Variants in WASHC4 observed in about 807,000 individuals in gnomAD.
WASHC4 encodes WASH complex subunit 7.
In WASHC4, 86 loss-of-function variants were observed where a neutral mutation model predicts 166.6. The ratio of observed to expected loss-of-function variants is 0.52; its 90% CI spans 0.43 to 0.62. The LOEUF is 0.62. WASHC4 is among the 20% of genes least tolerant of loss of function. The pLI is 0.00. For missense variants in WASHC4, 1,262 were observed against 1,382.4 expected, an observed-to-expected ratio of 0.91 and a Z score of 1.38; for synonymous variants, 446 against 451.6, an observed-to-expected ratio of 0.99 and a Z score of 0.16.
Position 105,147,053 on chromosome 12 carries a change from A to C in WASHC4, c.2421A>C (p.Glu807Asp). The C allele has an allele frequency of 6.2e-7, 1 of 1,601,064 alleles. No individual in the cohort carries two copies. Residue 807 changes from glutamate (E) to aspartate (D), a missense_variant, in exon 24 of 33, where the codon GAA (glutamate) becomes GAC (aspartate). Glu to Asp is a conservative substitution (Grantham distance 45, BLOSUM62 2). Transcript: ENST00000332180. ...TTGTTTCATTGCAGATTTTTATTGA[A>C]CGAACAAGCAATAACAAGCATTTGA... ...LYNLNNQIFIERTSNNKHLNT... is the reference protein window; with the variant it reads ...LYNLNNQIFIDRTSNNKHLNT...
intron 13 of WASHC4, among the ~76,000 whole-genome samples, chr12:105,130,888 T>C (rs564493839): frequency 6.6e-6 from 1 of 152,182 alleles, no homozygotes; most frequent in Admixed American, 6.5e-5. Context: ...TGTTGACATA[T>C]AGGCGTTGAC....
At chr12:105,149,779 G>A in intron 25 of WASHC4, 30 bp downstream of exon 25, 1 of 1,578,278 alleles carries the variant, frequency 6.3e-7, no homozygotes, top group Non-Finnish European at 8.6e-7. Context: ...TAAGGTATTT[G>A]ATTAAGCTAT....
chr12:105,114,346 T>G lies in WASHC4; in HGVS notation c.256-16T>G. The G allele has an allele frequency of 6.3e-7, 1 of 1,599,468 alleles. No individual in the cohort carries two copies. The highest frequency in any genetic ancestry group is 8.5e-7 in the Non-Finnish European group (1 of 1,170,792). On this transcript the variant is annotated splice_polypyrimidine_tract_variant and intron_variant, in intron 3 of 32. Coordinates refer to ENST00000332180, the MANE Select transcript of WASHC4 (RefSeq NM_015275.3). ...TAACAATTTACTTTTTATTTTGTTTTTACTCATGAAACTAGGTCTTAAACA... is the reference window on the plus strand; with the variant it reads ...TAACAATTTACTTTTTATTTTGTTTGTACTCATGAAACTAGGTCTTAAACA...
At chr12:105,160,389 C>T (rs1884423692) in intron 29 of WASHC4, among the ~76,000 whole-genome samples, 1 of 152,026 alleles carries the variant, frequency 6.6e-6, no homozygotes, top group South Asian at 2.1e-4. Context: ...GCCCTGTCAC[C>T]CAGGCTGGAG....
intron 25 of WASHC4, among the ~76,000 whole-genome samples, chr12:105,150,332 A>G (rs757242489): frequency 2.6e-5 from 4 of 152,248 alleles, no homozygotes; most frequent in Non-Finnish European, 5.9e-5. Context: ...CTGCAGTAAC[A>G]TCTTTACACA....
intron 24 of WASHC4, chr12:105,147,827 C>G (rs991234490): frequency 4.9e-5 from 29 of 590,806 alleles, no homozygotes; most frequent in Non-Finnish European, 6.0e-5. Context: ...ATCGCTTGAA[C>G]CTGGGAGGCA....
At chr12:105,108,968 C>T (rs555679895) in intron 1 of WASHC4, among the ~76,000 whole-genome samples, 115 of 152,220 alleles carry the variant, frequency 7.6e-4, no homozygotes, top group East Asian at 3.1e-3. Context: ...GGTGAAACCC[C>T]GTCTCTACTA....
intron 23 of WASHC4, 63 bp downstream of exon 23, chr12:105,146,589 G>C (rs1278036137): frequency 2.3e-6 from 2 of 861,436 alleles, no homozygotes; most frequent in Non-Finnish European, 3.9e-6. Flanking sequence ...AGGCTGAGGG[G>C]CAAGGAATTG....
At chr12:105,116,044 A>G (rs532237562) in intron 6 of WASHC4, among the ~76,000 whole-genome samples, 3 of 152,138 alleles carry the variant, frequency 2.0e-5, no homozygotes, top group Non-Finnish European at 4.4e-5. Context: ...TTGTTAACGG[A>G]TAGGAGAGAA....
At chr12:105,144,161 T>G (rs911185010) in intron 20 of WASHC4, 126 bp from the exon 21 acceptor site, 16 of 717,260 alleles carry the variant, frequency 2.2e-5, no homozygotes, top group Non-Finnish European at 3.3e-5. Flanking sequence ...AAATAAAGAC[T>G]TAGAATTTAT....
intron 25 of WASHC4, among the ~76,000 whole-genome samples, chr12:105,152,028 A>G (rs3817607): frequency 0.17 from 25,816 of 152,172 alleles, 2,452 homozygotes; most frequent in East Asian, 0.26. Flanking sequence ...ACTTGGTCAC[A>G]CATCTGTGAA....
At position 105,141,229 on chromosome 12, in the gene WASHC4, T is replaced by C. The variant is rs760555853; in HGVS notation, c.1770T>C (p.Ile590=). The C allele has an allele frequency of 3.7e-6, 6 of 1,608,028 alleles. No individual in the cohort carries two copies. The East Asian group carries it at 1.1e-4, about 30-fold the overall frequency. Residue 590 remains isoleucine (I), a synonymous_variant, in exon 18 of 33, where the codon ATT becomes ATC. Coordinates refer to ENST00000332180, the MANE Select transcript of WASHC4 (RefSeq NM_015275.3). The stretch of plus-strand genomic sequence containing the variant: ...TAGTCATGAAAAAACTGGATCTTAT[T>C]AGTGAACTTAGAGAACGGTAAGTAG... ...LQVVMKKLDL[I]SELRERVQTQ... is the part of the protein sequence containing the mutation.
chr12:105,155,598 T>TG (rs1884095091), intron 26 of WASHC4, among the ~76,000 whole-genome samples: 1 of 152,064 alleles, frequency 6.6e-6, no homozygotes, highest in African/African-American at 2.4e-5. Flanking sequence ...CCCAGCACTT[T>TG]GGGAGGCCGA....
intron 25 of WASHC4, among the ~76,000 whole-genome samples, chr12:105,151,827 A>G (rs1883796585): frequency 1.3e-5 from 2 of 152,228 alleles, no homozygotes; most frequent in Admixed American, 1.3e-4. Flanking sequence ...AGAGATAAAT[A>G]TTCATGCTAT....
intron 22 of WASHC4, 110 bp downstream of exon 22, chr12:105,144,982 G>T: frequency 9.5e-7 from 1 of 1,056,512 alleles, no homozygotes; most frequent in African/African-American, 1.6e-5. Flanking sequence ...TATTTTTTAA[G>T]AAATTATTTG....
Position 105,147,966 on chromosome 12 carries a change from G to A in WASHC4, c.2514+820G>A, listed in dbSNP as rs151010443. 6.4e-5 allele frequency: 63 copies of A among 984,980 alleles called. No individual in the cohort carries two copies. In the African/African-American group the frequency reaches 7.2e-4, roughly 11 times the overall value. The allele number at this position is 984,980 out of a possible 1,614,324, so 61.0% of individuals were successfully genotyped here. A position where few individuals can be genotyped will look rare whatever the true frequency, so the allele number is the denominator to read the frequency against. ...TCACTTGAAGGAATTATTTGAACTC[G>A]TATGCTATTTTTCTGTCTGTGGAAA... On this transcript the variant is annotated intron_variant, in intron 24 of 32. Coordinates refer to ENST00000332180, the MANE Select transcript of WASHC4 (RefSeq NM_015275.3).
chr12:105,128,990 G>C (rs1444048390), intron 13 of WASHC4, among the ~76,000 whole-genome samples: 1 of 149,592 alleles, frequency 6.7e-6, no homozygotes, highest in East Asian at 1.9e-4. Context: ...GTGTCGCCCA[G>C]GCTGGAGTGC....
chr12:105,118,153 A>G (rs969269170), intron 6 of WASHC4, among the ~76,000 whole-genome samples: 2 of 152,202 alleles, frequency 1.3e-5, no homozygotes, highest in African/African-American at 4.8e-5. Flanking sequence ...CAAAGAAGGA[A>G]TGAGACAGCA....
intron 27 of WASHC4, 86 bp downstream of exon 27, chr12:105,156,878 A>T: frequency 1.0e-6 from 1 of 959,200 alleles, no homozygotes; most frequent in Non-Finnish European, 1.7e-6. Flanking sequence ...GATATTGTAG[A>T]TAAGGTGTTT....
Sources: gnomAD v4.1 joint callset for allele counts (sites outside exome capture counted in the v4.1 genomes callset) on GRCh38, gnomAD v4.1.1 for gene constraint, MANE v1.5 for transcripts, NCBI Gene and HGNC (gene_info 2026-07-23, HGNC 2026-07-21) for gene names.